The following CHRNA7 variants were observed in gnomAD, a reference collection of about 807,000 sequenced individuals.
CHRNA7 encodes the protein neuronal acetylcholine receptor subunit alpha-7.
A neutral mutation model predicts 48.0 loss-of-function variants in CHRNA7; 17 were observed. That is an observed-to-expected ratio of 0.35 (90% CI 0.24 to 0.53). The LOEUF (loss-of-function observed/expected upper bound fraction) is 0.53, where lower values mean the gene tolerates loss of function less well. Among genes scored for constraint, CHRNA7 ranks in the 20% least tolerant of loss-of-function variants. The pLI, the probability that CHRNA7 is intolerant of heterozygous loss-of-function variation, is 0.92. For missense variants in CHRNA7, 155 were observed against 577.7 expected (o/e 0.27, Z 7.50); for synonymous variants, 75 against 242.3 (o/e 0.31, Z 6.41).
At chr15:32,038,984 A>T (rs1186712271) in intron 2 of CHRNA7, among the ~76,000 whole-genome samples, 1 of 152,126 alleles carries the variant, frequency 6.6e-6, no homozygotes, top group East Asian at 1.9e-4. Flanking sequence ...TTCTTGTTTG[A>T]GTTTTGAGAA....
chr15:32,145,244 A>C (rs892279117), intron 4 of CHRNA7, among the ~76,000 whole-genome samples: 3 of 152,208 alleles, frequency 2.0e-5, no homozygotes, highest in African/African-American at 7.2e-5. Flanking sequence ...TCACCAGCAG[A>C]GGCTGCAGAA....
intron 4 of CHRNA7, among the ~76,000 whole-genome samples, chr15:32,143,619 T>C (rs1415745655): frequency 6.6e-6 from 1 of 152,254 alleles, no homozygotes; most frequent in East Asian, 1.9e-4. Context: ...GGTGCATATA[T>C]ATTTAGGATA....
chr15:32,087,486 T>C (rs1457492630), intron 2 of CHRNA7, among the ~76,000 whole-genome samples: 1 of 152,202 alleles, frequency 6.6e-6, no homozygotes, highest in Non-Finnish European at 1.5e-5. Context: ...GGTGGGTTCA[T>C]TGCCATTGGG....
chr15:32,095,210 C>T (rs1376928420), intron 2 of CHRNA7, among the ~76,000 whole-genome samples: 5 of 152,152 alleles, frequency 3.3e-5, no homozygotes, highest in Non-Finnish European at 7.3e-5. Context: ...GCTCTGTATC[C>T]CGAGAGGGCC....
intron 2 of CHRNA7, among the ~76,000 whole-genome samples, chr15:32,079,523 CA>C (rs2050184639): frequency 6.6e-6 from 1 of 152,102 alleles, no homozygotes; most frequent in African/African-American, 2.4e-5. Context: ...AGAGCCAAAT[CA>C]TGAATGAACT....
At chr15:32,043,612 CA>C (rs2049485992) in intron 2 of CHRNA7, among the ~76,000 whole-genome samples, 2 of 152,128 alleles carry the variant, frequency 1.3e-5, no homozygotes, top group Non-Finnish European at 1.5e-5. Flanking sequence ...CCTTTCTGTA[CA>C]ATGTGAGGAC....
intron 4 of CHRNA7, among the ~76,000 whole-genome samples, chr15:32,130,471 C>CTGA (rs1333986775): frequency 6.6e-6 from 1 of 151,018 alleles, no homozygotes; most frequent in Non-Finnish European, 1.5e-5. Flanking sequence ...TCTGCTTTAT[C>CTGA]TGATAATAAT....
intron 4 of CHRNA7, among the ~76,000 whole-genome samples, chr15:32,122,069 T>C (rs1649570199): frequency 6.6e-6 from 1 of 152,222 alleles, no homozygotes; most frequent in African/African-American, 2.4e-5. Context: ...ACTCTTGTTT[T>C]TCCCCACTGT....
chr15:32,050,633 T>C (rs987598740), intron 2 of CHRNA7, among the ~76,000 whole-genome samples: 11 of 152,336 alleles, frequency 7.2e-5, no homozygotes, highest in East Asian at 3.9e-4. Flanking sequence ...TCTGAAGCCT[T>C]CTTCTCTCAA....
intron 4 of CHRNA7, among the ~76,000 whole-genome samples, chr15:32,121,713 C>A (rs1228560802): frequency 1.3e-5 from 2 of 152,146 alleles, no homozygotes; most frequent in Non-Finnish European, 2.9e-5. Flanking sequence ...CCTGGCACTG[C>A]TGTTAATGGT....
At chr15:32,133,458 G>C (rs2051191185) in intron 4 of CHRNA7, among the ~76,000 whole-genome samples, 1 of 152,156 alleles carries the variant, frequency 6.6e-6, no homozygotes, top group African/African-American at 2.4e-5. Context: ...AACCATCCTG[G>C]GTCGCAAAAG....
intron 4 of CHRNA7, among the ~76,000 whole-genome samples, chr15:32,125,176 T>TA (rs79930426): frequency 0.11 from 16,785 of 152,190 alleles, 1,203 homozygotes; most frequent in East Asian, 0.35. Context: ...TTTGAACTAA[T>TA]AAAAGATTTA....
At chr15:32,114,034 A>T (rs1186011582) in intron 4 of CHRNA7, among the ~76,000 whole-genome samples, 1 of 94,256 alleles carries the variant, frequency 1.1e-5, no homozygotes, top group Admixed American at 1.5e-4. Flanking sequence ...ATATATATAT[A>T]TATATATATG....
chr15:32,051,056 A>G (rs573394381), intron 2 of CHRNA7, among the ~76,000 whole-genome samples: 35 of 151,664 alleles, frequency 2.3e-4, no homozygotes, highest in Non-Finnish European at 3.7e-4. Context: ...GTCTGCCCCT[A>G]CTTGGGGGTG....
intron 2 of CHRNA7, among the ~76,000 whole-genome samples, chr15:32,061,316 C>T (rs2049874802): frequency 1.3e-5 from 2 of 152,254 alleles, no homozygotes; most frequent in South Asian, 2.1e-4. Flanking sequence ...AGGCACGTTT[C>T]CTGCGTGGAA....
chr15:32,060,115 A>C (rs548181669), intron 2 of CHRNA7, among the ~76,000 whole-genome samples: 4 of 152,344 alleles, frequency 2.6e-5, no homozygotes, highest in South Asian at 2.1e-4. Flanking sequence ...CCAAGCAGTT[A>C]GAGTCCAGAA....
At chr15:32,112,183 T>C in intron 4 of CHRNA7, 1 of 573,792 alleles carries the variant, frequency 1.7e-6, no homozygotes, top group South Asian at 1.5e-5. Flanking sequence ...TCTGTGCATA[T>C]TGGCACATGG....
intron 2 of CHRNA7, among the ~76,000 whole-genome samples, chr15:32,061,901 A>G (rs1392650784): frequency 6.6e-6 from 1 of 152,224 alleles, no homozygotes; most frequent in East Asian, 1.9e-4. Context: ...TGGGAAAGCT[A>G]CCACACCTCT....
chr15:32,041,330 G>A (rs755099447), intron 2 of CHRNA7, among the ~76,000 whole-genome samples: 17 of 152,186 alleles, frequency 1.1e-4, no homozygotes, highest in Non-Finnish European at 1.6e-4. Context: ...AGACTGTCGG[G>A]GGCCATGGTT....
Sources: gnomAD v4.1 joint callset for allele counts (sites outside exome capture counted in the v4.1 genomes callset) on GRCh38, gnomAD v4.1.1 for gene constraint, MANE v1.5 for transcripts, NCBI Gene and HGNC (gene_info 2026-07-23, HGNC 2026-07-21) for gene names.